The following SCFD2 variants were observed in gnomAD, a reference collection of about 807,000 sequenced individuals.
The protein encoded by SCFD2 is sec1 family domain-containing protein 2.
In SCFD2, 54 loss-of-function variants were observed where a neutral mutation model predicts 58.9. The ratio of observed to expected loss-of-function variants is 0.92; its 90% confidence interval spans 0.74 to 1.15. The LOEUF (loss-of-function observed/expected upper bound fraction) is 1.15, where lower values mean the gene tolerates loss of function less well. Ranked by LOEUF, SCFD2 falls within the 50% of genes most tolerant of loss-of-function variation. The pLI is 0.00. For missense variants in SCFD2, 805 were observed against 836.6 expected (o/e 0.96, Z 0.47); for synonymous variants, 321 against 335.9 (o/e 0.96, Z 0.49).
At chr4:53,097,684 A>T (rs999453996) in intron 5 of SCFD2, among the ~76,000 whole-genome samples, 13 of 152,080 alleles carry the variant, frequency 8.5e-5, no homozygotes, top group Admixed American at 3.3e-4. Flanking sequence ...GACTTCCTCT[A>T]TTCCTAATTG....
intron 4 of SCFD2, among the ~76,000 whole-genome samples, chr4:53,226,387 G>A (rs1729216865): frequency 6.6e-6 from 1 of 151,962 alleles, no homozygotes; most frequent in Non-Finnish European, 1.5e-5. Context: ...AAACATTATT[G>A]ATGTATAATT....
At chr4:53,326,077 T>C (rs1355187209) in intron 2 of SCFD2, among the ~76,000 whole-genome samples, 4 of 152,240 alleles carry the variant, frequency 2.6e-5, no homozygotes, top group South Asian at 2.1e-4. Flanking sequence ...ATCTTTTAAA[T>C]AGATTCAGGA....
At chr4:52,913,440 T>C (rs1450287922) in intron 6 of SCFD2, among the ~76,000 whole-genome samples, 1 of 152,126 alleles carries the variant, frequency 6.6e-6, no homozygotes, top group Non-Finnish European at 1.5e-5. Flanking sequence ...GCATGCTCCT[T>C]ATGAAAATCT....
chr4:53,004,467 C>T (rs1046820857), intron 5 of SCFD2, among the ~76,000 whole-genome samples: 1 of 152,344 alleles, frequency 6.6e-6, no homozygotes, highest in South Asian at 2.1e-4. Context: ...AGCCCTTACA[C>T]ATGCCCGGCA....
intron 5 of SCFD2, among the ~76,000 whole-genome samples, chr4:53,053,693 G>A (rs1191636262): frequency 1.3e-5 from 2 of 152,056 alleles, no homozygotes; most frequent in Non-Finnish European, 2.9e-5. Flanking sequence ...GAGAGGACTC[G>A]GCCTGCTGTC....
chr4:53,193,979 T>C (rs960987790), intron 4 of SCFD2, among the ~76,000 whole-genome samples: 1 of 152,176 alleles, frequency 6.6e-6, no homozygotes, highest in Non-Finnish European at 1.5e-5. Context: ...CATCAAGTCA[T>C]AAAATAGAGT....
At chr4:53,041,467 C>T (rs1176542338) in intron 5 of SCFD2, among the ~76,000 whole-genome samples, 1 of 152,140 alleles carries the variant, frequency 6.6e-6, no homozygotes, top group Non-Finnish European at 1.5e-5. Flanking sequence ...ACCTGTTTAC[C>T]ATACTTGCAC....
chr4:53,015,647 T>C (rs1190316416), intron 5 of SCFD2, among the ~76,000 whole-genome samples: 1 of 152,194 alleles, frequency 6.6e-6, no homozygotes, highest in African/African-American at 2.4e-5. Flanking sequence ...TCCAAGTTGG[T>C]AACACATATC....
intron 5 of SCFD2, among the ~76,000 whole-genome samples, chr4:52,933,835 G>A (rs570158861): frequency 1.3e-5 from 2 of 152,300 alleles, no homozygotes; most frequent in East Asian, 3.9e-4. Flanking sequence ...ATTGGGAGGT[G>A]GGGTCTCATG....
intron 5 of SCFD2, among the ~76,000 whole-genome samples, chr4:52,965,606 C>A (rs954024493): frequency 1.3e-5 from 2 of 152,200 alleles, no homozygotes; most frequent in Non-Finnish European, 2.9e-5. Flanking sequence ...GAGCAGAGCA[C>A]CCATGGAGGC....
At chr4:53,189,525 C>T (rs1052712482) in intron 4 of SCFD2, among the ~76,000 whole-genome samples, 8 of 152,264 alleles carry the variant, frequency 5.3e-5, no homozygotes, top group Non-Finnish European at 2.9e-5. Flanking sequence ...TGGCTGTATC[C>T]TTGCATGGCG....
At chr4:53,266,366 C>A (rs1216345555) in intron 4 of SCFD2, among the ~76,000 whole-genome samples, 2 of 152,094 alleles carry the variant, frequency 1.3e-5, no homozygotes, top group African/African-American at 4.8e-5. Flanking sequence ...TATAGTCTCA[C>A]TCAATCCTGA....
Position 53,233,085 on chromosome 4 carries a change from T to G in SCFD2, c.1311+40741A>C, listed in dbSNP as rs529113641. ...AGGCTTCTTTCAGAAAAGCACACCT[T>G]TAGGCACATTAGACCTAAATGCCCT... On this transcript the variant is annotated intron_variant, in intron 4 of 8. Transcript: ENST00000401642. Among the ~76,000 whole-genome samples the G allele has an allele frequency of 3.9e-5, 6 of 152,258 alleles. No homozygotes were observed. In the South Asian group the frequency reaches 1.2e-3, roughly 32 times the overall value.
chr4:53,324,824 C>A (rs1372873757), intron 2 of SCFD2, among the ~76,000 whole-genome samples: 5 of 152,106 alleles, frequency 3.3e-5, no homozygotes, highest in African/African-American at 7.2e-5. Context: ...GAGGCTCATT[C>A]CCTGACTAGT....
At chr4:53,334,506 A>G (rs1297024602) in intron 2 of SCFD2, among the ~76,000 whole-genome samples, 2 of 150,780 alleles carry the variant, frequency 1.3e-5, no homozygotes, top group Non-Finnish European at 3.0e-5. Context: ...CAAGAACAAA[A>G]AACCAAACAC....
intron 5 of SCFD2, among the ~76,000 whole-genome samples, chr4:53,044,060 T>C (rs182337247): frequency 1.5e-3 from 231 of 152,280 alleles, no homozygotes; most frequent in African/African-American, 5.1e-3. Flanking sequence ...TGTCACCCCA[T>C]TGGCATCCTC....
intron 5 of SCFD2, among the ~76,000 whole-genome samples, chr4:52,998,204 A>G (rs1199301403): frequency 6.6e-6 from 1 of 152,198 alleles, no homozygotes; most frequent in East Asian, 1.9e-4. Context: ...GTAACACTGA[A>G]GGGGTAAAAT....
At chr4:53,164,086 C>T (rs913857392) in intron 4 of SCFD2, among the ~76,000 whole-genome samples, 2 of 152,130 alleles carry the variant, frequency 1.3e-5, no homozygotes, top group Non-Finnish European at 2.9e-5. Context: ...CCTCACCAGG[C>T]TTTCATGGAA....
At chr4:53,019,349 T>C (rs1722291636) in intron 5 of SCFD2, among the ~76,000 whole-genome samples, 1 of 152,234 alleles carries the variant, frequency 6.6e-6, no homozygotes, top group African/African-American at 2.4e-5. Context: ...GCCCTGTTTA[T>C]GTAGGTGTAT....
Sources: allele counts gnomAD v4.1 joint callset (sites outside exome capture counted in the v4.1 genomes callset), GRCh38; gene constraint gnomAD v4.1.1; transcripts MANE v1.5; gene names NCBI Gene and HGNC (gene_info 2026-07-23, HGNC 2026-07-21).